The following STK39 variants were observed in gnomAD, a reference collection of about 807,000 sequenced individuals.
The protein encoded by STK39 is serine/threonine kinase 39.
A neutral mutation model predicts 77.8 loss-of-function variants in STK39; 20 were observed. That is an observed-to-expected ratio of 0.26 (90% CI 0.18 to 0.37). The LOEUF is 0.37. Ranked by LOEUF, STK39 falls within the 10% of genes least tolerant of loss-of-function variation. The pLI, the probability that STK39 is intolerant of heterozygous loss-of-function variation, is 1.00. For missense variants in STK39, 479 were observed against 656.5 expected (o/e 0.73, Z 2.95); for synonymous variants, 246 against 234.1 (o/e 1.05, Z -0.47).
intron 10 of STK39, among the ~76,000 whole-genome samples, chr2:168,108,460 A>T (rs532841081): frequency 6.6e-6 from 1 of 152,260 alleles, no homozygotes; most frequent in South Asian, 2.1e-4. Flanking sequence ...AGGTGGCAGG[A>T]TCACTTGAGA....
At chr2:168,086,008 G>T (rs1686357018) in intron 10 of STK39, among the ~76,000 whole-genome samples, 1 of 152,138 alleles carries the variant, frequency 6.6e-6, no homozygotes, top group African/African-American at 2.4e-5. Context: ...CTGGCGCAGT[G>T]GCATGACACT....
intron 1 of STK39, among the ~76,000 whole-genome samples, chr2:168,189,653 T>C (rs1034525128): frequency 2.5e-4 from 38 of 152,220 alleles, no homozygotes; most frequent in African/African-American, 9.2e-4. Context: ...TCAACGTGAT[T>C]AATATTGGAA....
intron 16 of STK39, among the ~76,000 whole-genome samples, chr2:167,975,631 C>T (rs1333100698): frequency 6.6e-6 from 1 of 152,052 alleles, no homozygotes; most frequent in South Asian, 2.1e-4. Flanking sequence ...CTGGCTAACA[C>T]GGTGAAACCC....
chr2:168,185,049 C>T (rs6734514), intron 1 of STK39, among the ~76,000 whole-genome samples: 51,110 of 152,050 alleles, frequency 0.34, 9,090 homozygotes, highest in East Asian at 0.46. Context: ...AATACAGGAA[C>T]TGGACAAGTG....
chr2:168,123,341 AT>A, intron 10 of STK39, among the ~76,000 whole-genome samples: 1 of 152,344 alleles, frequency 6.6e-6, no homozygotes, highest in African/African-American at 2.4e-5. Flanking sequence ...GATCTAAAAA[AT>A]AATAGTATTA....
At chr2:168,074,946 A>T (rs571622519) in intron 12 of STK39, 36 bp downstream of exon 12, 1 of 1,608,390 alleles carries the variant, frequency 6.2e-7, no homozygotes, top group East Asian at 2.2e-5. Context: ...GAAAGGAATG[A>T]AATGGCAAAA....
intron 16 of STK39, among the ~76,000 whole-genome samples, chr2:167,971,458 G>A (rs181594988): frequency 4.6e-4 from 70 of 152,178 alleles, no homozygotes; most frequent in African/African-American, 1.6e-3. Flanking sequence ...TCTTCTGCAC[G>A]TAGGTAGGAA....
intron 14 of STK39, among the ~76,000 whole-genome samples, chr2:168,034,856 A>G (rs781525939): frequency 3.9e-5 from 6 of 152,238 alleles, no homozygotes; most frequent in Non-Finnish European, 7.3e-5. Context: ...GAGCACTAAT[A>G]GGATTTCCCA....
In STK39 at chr2:168,140,301, A is replaced by G; in HGVS notation, c.828T>C (p.Tyr276=). 1 of 1,613,542 alleles carries G rather than the reference A, an allele frequency of 6.2e-7. No individual in the cohort carries two copies. Among genetic ancestry groups the G allele is most frequent in the Non-Finnish European group, 8.5e-7 (1 of 1,179,480 alleles). The stretch of plus-strand genomic sequence containing the variant: ...CAATTGTAATTACTTTCATGGGAGG[A>G]TATTTGTGATAAGGCGCTGCTCCTG... ...LATGAAPYHK[Y]PPMKVLMLTL... The change falls in exon 7 of 18, where the codon TAT becomes TAC. Residue 276 remains tyrosine, a synonymous_variant. Coordinates refer to ENST00000355999, the MANE Select transcript of STK39 (RefSeq NM_013233.3).
Position 168,127,174 on chromosome 2 carries a change from C to T in STK39, c.1089+2367G>A, listed in dbSNP as rs1687565152. ...GTTTGTTGTTGTTGTTGTTTTGAGA[C>T]GGGGTCTTGCTCTGCCGCTAGGCTG... On this transcript the variant is annotated intron_variant, in intron 10 of 17. Coordinates refer to ENST00000355999, the MANE Select transcript of STK39 (RefSeq NM_013233.3). Among the ~76,000 whole-genome samples, 4 of 152,240 alleles carry T rather than the reference C, an allele frequency of 2.6e-5. 1 individual carries two copies. In the South Asian group the frequency reaches 8.3e-4, roughly 32 times the overall value.
intron 1 of STK39, among the ~76,000 whole-genome samples, chr2:168,224,427 A>G (rs1265046449): frequency 6.6e-6 from 1 of 152,162 alleles, no homozygotes; most frequent in Non-Finnish European, 1.5e-5. Flanking sequence ...CCATCAATCT[A>G]TAACAAAATA....
chr2:168,241,217 G>A (rs1187577231), intron 1 of STK39, among the ~76,000 whole-genome samples: 1 of 152,170 alleles, frequency 6.6e-6, no homozygotes, highest in Non-Finnish European at 1.5e-5. Flanking sequence ...GGGAAAGAAG[G>A]AGACAGGGAA....
At chr2:168,173,626 C>T (rs1035840484) in intron 2 of STK39, among the ~76,000 whole-genome samples, 3 of 152,060 alleles carry the variant, frequency 2.0e-5, no homozygotes, top group Non-Finnish European at 2.9e-5. Flanking sequence ...GGTGAAATCT[C>T]GGCTCACTGC....
chr2:168,069,808 T>G (rs956661419), intron 12 of STK39, among the ~76,000 whole-genome samples: 1 of 152,198 alleles, frequency 6.6e-6, no homozygotes, highest in Non-Finnish European at 1.5e-5. Context: ...ACTGCATTTT[T>G]AAAGGTTTCC....
intron 17 of STK39, among the ~76,000 whole-genome samples, chr2:167,956,682 A>ACT (rs2105511796): frequency 2.3e-5 from 1 of 42,856 alleles, no homozygotes; most frequent in Non-Finnish European, 5.0e-5. Flanking sequence ...ACACACACAC[A>ACT]CACACACACA....
At chr2:168,218,452 C>T (rs759326660) in intron 1 of STK39, among the ~76,000 whole-genome samples, 7 of 152,170 alleles carry the variant, frequency 4.6e-5, no homozygotes, top group Admixed American at 4.6e-4. Context: ...CCATGCATAC[C>T]AGGGTCAGGT....
At chr2:168,168,647 A>G (rs1688747089) in intron 2 of STK39, among the ~76,000 whole-genome samples, 1 of 152,186 alleles carries the variant, frequency 6.6e-6, no homozygotes, top group Non-Finnish European at 1.5e-5. Flanking sequence ...AACTTGGCCA[A>G]AATTCTGTAA....
In STK39 at chr2:168,247,334, CGCTGCTGTCGCGGCCGCCGGG is replaced by C. The variant is rs2105291843; in HGVS notation, c.81_101del (p.Ala30_Ala36del). 2.9e-6 allele frequency: 3 copies of C among 1,038,056 alleles called. No individual in the cohort carries two copies. In the South Asian group the frequency reaches 1.3e-4, roughly 46 times the overall value. 64.3% of individuals were successfully genotyped at this position (1,038,056 alleles called of 1,614,324 possible). Reference sequence around the variant, plus strand: ...GGGCCGCGGGAGCTGCCGGGGCCGGCGCTGCTGTCGCGGCCGCCGGGGCCGCCGCCGCCGCCGCTGTCACCG... The same window carrying C: ...GGGCCGCGGGAGCTGCCGGGGCCGGCGCCGCCGCCGCCGCCGCTGTCACCG... On this transcript the variant is annotated inframe_deletion, in exon 1 of 18. Transcript: ENST00000355999.
chr2:168,149,543 C>T (rs569493124), intron 5 of STK39, among the ~76,000 whole-genome samples: 1 of 152,242 alleles, frequency 6.6e-6, no homozygotes, highest in Non-Finnish European at 1.5e-5. Context: ...GACCAGTACT[C>T]TGTTATTTGT....
Sources: allele counts gnomAD v4.1 joint callset (sites outside exome capture counted in the v4.1 genomes callset), GRCh38; gene constraint gnomAD v4.1.1; transcripts MANE v1.5; gene names NCBI Gene and HGNC (gene_info 2026-07-23, HGNC 2026-07-21).